The following NCOR1 variants were observed in gnomAD, a reference collection of about 807,000 sequenced individuals.
NCOR1 encodes nuclear receptor corepressor 1.
A neutral mutation model predicts 288.1 loss-of-function variants in NCOR1; 63 were observed. That is an observed-to-expected ratio of 0.22 (90% CI 0.18 to 0.27). NCOR1 has a LOEUF of 0.27. NCOR1 is among the 10% of genes least tolerant of loss of function. The probability of loss-of-function intolerance (pLI) is 1.00; values close to 1 mark genes in which losing one functional copy is unlikely to be tolerated. For missense variants in NCOR1, 2,397 were observed against 3,019.2 expected (o/e 0.79, Z 4.83); for synonymous variants, 1,007 against 1,065.9 (o/e 0.94, Z 1.08).
intron 40 of NCOR1, among the ~76,000 whole-genome samples, chr17:16,051,582 A>C (rs988979126): frequency 3.9e-5 from 6 of 152,164 alleles, no homozygotes; most frequent in African/African-American, 1.4e-4. Flanking sequence ...CACAACCAAG[A>C]GCAAACAAAT....
chr17:16,106,871 ATATATATATATATTTTTTTTTTT>A (rs1264104390), intron 19 of NCOR1, among the ~76,000 whole-genome samples: 4 of 50,030 alleles, frequency 8.0e-5, no homozygotes, highest in African/African-American at 3.9e-4. Flanking sequence ...ATATATATAT[ATATATATATATATTTTTTTTTTT>A]TTTTTTTTTT....
intron 22 of NCOR1, chr17:16,091,507 T>C (rs1297129511): frequency 4.0e-6 from 4 of 1,004,182 alleles, no homozygotes; most frequent in Non-Finnish European, 3.7e-6. Context: ...AATATTACAC[T>C]GTAATACTTG....
chr17:16,199,217 A>AAAAC (rs71150277), intron 1 of NCOR1, among the ~76,000 whole-genome samples: 3 of 41,028 alleles, frequency 7.3e-5, no homozygotes, highest in Admixed American at 5.7e-4. Context: ...AAAAAAAAAA[A>AAAAC]CACACACACA....
intron 6 of NCOR1, among the ~76,000 whole-genome samples, chr17:16,157,512 T>C (rs979645201): frequency 7.2e-5 from 11 of 152,214 alleles, no homozygotes; most frequent in African/African-American, 2.7e-4. Flanking sequence ...TGTGCATAAA[T>C]ATTTATTAAT....
intron 1 of NCOR1, among the ~76,000 whole-genome samples, chr17:16,199,204 GAAAAAA>G (rs71353779): frequency 1.4e-4 from 14 of 99,858 alleles, no homozygotes; most frequent in South Asian, 6.9e-4. Context: ...AATACAGAAG[GAAAAAA>G]AAAAAAACAC....
chr17:16,186,870 A>T (rs1489632926), intron 2 of NCOR1, among the ~76,000 whole-genome samples, 183 bp from the exon 3 acceptor site: 1 of 152,164 alleles, frequency 6.6e-6, no homozygotes, highest in East Asian at 1.9e-4. Flanking sequence ...ATATATCATT[A>T]AAAAAATCCA....
At chr17:16,066,562 G>C (rs999081259) in intron 32 of NCOR1, among the ~76,000 whole-genome samples, 3 of 152,184 alleles carry the variant, frequency 2.0e-5, no homozygotes, top group African/African-American at 4.8e-5. Context: ...TTTTGTCTGA[G>C]AACTTGAGTG....
chr17:16,054,392 G>A (rs1476309296), intron 40 of NCOR1, among the ~76,000 whole-genome samples: 2 of 152,060 alleles, frequency 1.3e-5, no homozygotes, highest in African/African-American at 2.4e-5. Flanking sequence ...CGGGTAAAGC[G>A]AGTGTGGTGG....
At chr17:16,091,698 C>T (rs2065203563) in intron 22 of NCOR1, 165 bp downstream of exon 22, 2 of 1,438,062 alleles carry the variant, frequency 1.4e-6, no homozygotes, top group Non-Finnish European at 1.8e-6. Flanking sequence ...ATAATACTAA[C>T]ATTTCTTCAT....
Position 16,044,747 on chromosome 17 carries a change from T to C in NCOR1, c.6679+2204A>G, listed in dbSNP as rs1032244518. 7.6e-5 allele frequency: 60 copies of C among 794,374 alleles called. 2 individuals are homozygous for C. Among genetic ancestry groups the C allele is most frequent in the South Asian group, 7.4e-4 (55 of 74,644 alleles). 49.2% of individuals were successfully genotyped at this position (794,374 alleles called of 1,614,324 possible). A position where few individuals can be genotyped will look rare whatever the true frequency, so the allele number is the denominator to read the frequency against. On this transcript the variant is annotated intron_variant, in intron 42 of 45. Coordinates refer to ENST00000268712, the MANE Select transcript of NCOR1 (RefSeq NM_006311.4). ...AGCTGGTGTAAATGTTGAACCTTTT[T>C]GGTCCAGCTTGTTTGCAATGGCCCT... is the stretch of plus-strand genomic sequence containing the variant.
At chr17:16,162,675 A>C (rs2081102807) in intron 5 of NCOR1, among the ~76,000 whole-genome samples, 1 of 152,152 alleles carries the variant, frequency 6.6e-6, no homozygotes, top group South Asian at 2.1e-4. Flanking sequence ...ATCTTTTAAT[A>C]AACAGGCCAA....
chr17:16,089,270 A>C, intron 22 of NCOR1, among the ~76,000 whole-genome samples: 1 of 152,024 alleles, frequency 6.6e-6, no homozygotes. Context: ...AGAAGCATTA[A>C]CTCTTATTTT....
intron 9 of NCOR1, among the ~76,000 whole-genome samples, 159 bp downstream of exon 9, chr17:16,149,292 C>CATATAT (rs34511605): frequency 0.29 from 39,711 of 137,538 alleles, 6,930 homozygotes; most frequent in Middle Eastern, 0.42. Flanking sequence ...AGATTTAAGT[C>CATATAT]ATATATATAT....
At chr17:16,148,401 A>T (rs1432049123) in intron 9 of NCOR1, among the ~76,000 whole-genome samples, 1 of 152,166 alleles carries the variant, frequency 6.6e-6, no homozygotes, top group African/African-American at 2.4e-5. Context: ...CAATACTAGG[A>T]CTGACCTGTC....
Position 16,057,972 on chromosome 17 carries a change from G to C in NCOR1, c.6103C>G (p.Gln2035Glu). 1 of 1,614,144 alleles carries C rather than the reference G, an allele frequency of 6.2e-7. No homozygotes were observed. The highest frequency in any genetic ancestry group is 8.5e-7 in the Non-Finnish European group (1 of 1,180,000). ...GGCACTTGCCCCATTCCCTCTGCCT[G>C]TGAAGAAGGGGGCAGCTGTTGTTGG... Reference protein sequence around the residue: ...SPQQQLPPSSQAEGMGQVPRT... With the variant: ...SPQQQLPPSSEAEGMGQVPRT... Residue 2035 changes from glutamine (Q) to glutamate (E), a missense_variant, in exon 39 of 46, where the codon CAG becomes GAG. Gln to Glu is a conservative substitution (Grantham distance 29, BLOSUM62 2). Coordinates refer to ENST00000268712, the MANE Select transcript of NCOR1 (RefSeq NM_006311.4).
chr17:16,065,439 G>A lies in NCOR1; in HGVS notation c.4951+46C>T, dbSNP rs764836531. On this transcript the variant is annotated intron_variant, in intron 33 of 45. Coordinates refer to ENST00000268712, the MANE Select transcript of NCOR1 (RefSeq NM_006311.4). ...TTACTGAGTACCTAAGAAACACTAGGTAAACATAATAAATTCTACGAAATC... is the reference window on the plus strand; with the variant it reads ...TTACTGAGTACCTAAGAAACACTAGATAAACATAATAAATTCTACGAAATC... The A allele has an allele frequency of 7.6e-6, 12 of 1,588,118 alleles. No individual in the cohort carries two copies. The Admixed American group carries it at 2.0e-4, about 27-fold the overall frequency.
chr17:16,122,373 T>C (rs1351830445), intron 15 of NCOR1, among the ~76,000 whole-genome samples: 1 of 152,212 alleles, frequency 6.6e-6, no homozygotes, highest in Non-Finnish European at 1.5e-5. Flanking sequence ...TCCTTTCCCT[T>C]TACTTACTTA....
At chr17:16,154,268 A>C (rs1244422953) in intron 6 of NCOR1, among the ~76,000 whole-genome samples, 2 of 152,106 alleles carry the variant, frequency 1.3e-5, no homozygotes, top group South Asian at 4.1e-4. Flanking sequence ...TTAATCTATC[A>C]ATATTTTGGC....
Position 16,101,372 on chromosome 17 carries a change from T to C in NCOR1, c.2568A>G (p.Arg856=), listed in dbSNP as rs201420293. Residue 856 remains arginine (R), a synonymous_variant, in exon 20 of 46, where the codon AGA becomes AGG. Coordinates refer to ENST00000268712, the MANE Select transcript of NCOR1 (RefSeq NM_006311.4). The part of the protein sequence containing the change: ...LDRASEKVEP[R]DEDLVVAQQI... ...GCTGAGCTACCACCAAATCTTCATC[T>C]CTAGGTTCCACCTTCTCACTGGCTC... 799 of 1,614,126 alleles carry C rather than the reference T, an allele frequency of 5.0e-4. No homozygotes were observed. Among genetic ancestry groups the C allele is most frequent in the Non-Finnish European group, 6.6e-4 (774 of 1,180,054 alleles).
Sources: gnomAD v4.1 joint callset for allele counts (sites outside exome capture counted in the v4.1 genomes callset) on GRCh38, gnomAD v4.1.1 for gene constraint, MANE v1.5 for transcripts, NCBI Gene and HGNC (gene_info 2026-07-23, HGNC 2026-07-21) for gene names.